ROS1: variants seen among roughly 807,000 people sequenced by gnomAD.
ROS1 encodes the protein ROS proto-oncogene 1, receptor tyrosine kinase, also known as proto-oncogene tyrosine-protein kinase ROS.
ROS1 carries 263 observed loss-of-function variants against 273.5 expected under a neutral mutation model. That is an observed-to-expected ratio of 0.96 (90% CI 0.87 to 1.06). The LOEUF is 1.06. Among genes scored for constraint, ROS1 ranks in the 50% least tolerant of loss-of-function variants. The probability of loss-of-function intolerance (pLI) is 0.00; values close to 1 mark genes in which losing one functional copy is unlikely to be tolerated. For missense variants in ROS1, 2,833 were observed against 2,751.1 expected (o/e 1.03, Z -0.67); for synonymous variants, 1,008 against 954.1 (o/e 1.06, Z -1.04).
intron 35 of ROS1, among the ~76,000 whole-genome samples, chr6:117,321,877 T>A (rs2128565941): frequency 6.6e-6 from 1 of 151,028 alleles, no homozygotes. Context: ...TTATCATTGT[T>A]GTTCATATAC....
At chr6:117,365,007 GA>G in intron 21 of ROS1, 52 bp downstream of exon 21, 1 of 1,554,822 alleles carries the variant, frequency 6.4e-7, no homozygotes, top group Non-Finnish European at 8.8e-7. Flanking sequence ...TCCAGATCAT[GA>G]AAAGTGAGAT....
chr6:117,326,099 A>ATATG (rs1776621052), intron 34 of ROS1, 125 bp downstream of exon 34: 1 of 127,762 alleles, frequency 7.8e-6, no homozygotes, highest in African/African-American at 3.3e-5. Flanking sequence ...GATTATATAT[A>ATATG]TATATATATA....
At chr6:117,328,853 C>T (rs779383372) in intron 33 of ROS1, 1 of 612,916 alleles carries the variant, frequency 1.6e-6, no homozygotes, top group Middle Eastern at 2.8e-4. Flanking sequence ...CCAATGAATA[C>T]AGAATCCTGT....
intron 31 of ROS1, among the ~76,000 whole-genome samples, chr6:117,339,475 TC>T (rs1356174499): frequency 6.6e-6 from 1 of 152,150 alleles, no homozygotes; most frequent in East Asian, 1.9e-4. Context: ...TATTGCCCAC[TC>T]CTCAGAGTTT....
At chr6:117,364,636 ATCT>A (rs1222509933) in intron 21 of ROS1, among the ~76,000 whole-genome samples, 2 of 152,220 alleles carry the variant, frequency 1.3e-5, no homozygotes, top group Non-Finnish European at 2.9e-5. Flanking sequence ...TATGGCTAGT[ATCT>A]TTTTTAAAAT....
chr6:117,366,052 G>A (rs1413750955), intron 19 of ROS1, 24 bp downstream of exon 19: 10 of 1,545,224 alleles, frequency 6.5e-6, no homozygotes, highest in South Asian at 1.1e-5. Context: ...GTGGAGTAGG[G>A]TAAGCAGGAA....
chr6:117,288,637 C>G lies in ROS1; in HGVS notation c.6881G>C (p.Cys2294Ser), dbSNP rs1162487585. ...TTCCTTCTCTTCTTTCCTCAGACCACAAGATTCAGATTCCTGGGAGCCTAG... is the reference window on the plus strand; with the variant it reads ...TTCCTTCTCTTCTTTCCTCAGACCAGAAGATTCAGATTCCTGGGAGCCTAG... ...GPLGSQESES[C>S]GLRKEEKEPH... Residue 2294 changes from cysteine (C) to serine (S), a missense_variant, in exon 44 of 44, where the codon TGT becomes TCT. Cys to Ser is a moderately radical substitution (Grantham distance 112). Coordinates refer to ENST00000368507, the MANE Select transcript of ROS1 (RefSeq NM_001378902.1). 1 of 1,614,142 alleles carries G rather than the reference C, an allele frequency of 6.2e-7. No homozygotes were observed. Among genetic ancestry groups the G allele is most frequent in the Non-Finnish European group, 8.5e-7 (1 of 1,180,014 alleles).
intron 32 of ROS1, among the ~76,000 whole-genome samples, chr6:117,332,582 C>T (rs1385323020): frequency 2.6e-5 from 4 of 152,074 alleles, no homozygotes; most frequent in Admixed American, 2.6e-4. Context: ...TAAAATCTAC[C>T]ACATAATTGG....
intron 25 of ROS1, 45 bp from the exon 26 acceptor site, chr6:117,356,960 A>C: frequency 6.8e-7 from 1 of 1,467,252 alleles, no homozygotes; most frequent in Non-Finnish European, 9.4e-7. Context: ...AGTAAAATAC[A>C]TCATTTCAAA....
intron 17 of ROS1, among the ~76,000 whole-genome samples, chr6:117,381,359 T>C (rs1163359424): frequency 6.6e-6 from 1 of 151,944 alleles, no homozygotes; most frequent in Non-Finnish European, 1.5e-5. Flanking sequence ...GTACCCAATA[T>C]GTAGGGTTTT....
intron 27 of ROS1, among the ~76,000 whole-genome samples, chr6:117,347,068 A>G (rs1778438135): frequency 1.3e-5 from 2 of 152,078 alleles, no homozygotes; most frequent in Admixed American, 1.3e-4. Context: ...TCTCCATATA[A>G]ACTTTAGAAT....
chr6:117,373,834 C>T (rs1781089888), intron 18 of ROS1, among the ~76,000 whole-genome samples: 1 of 152,214 alleles, frequency 6.6e-6, no homozygotes, highest in Non-Finnish European at 1.5e-5. Flanking sequence ...CACGTTGTCA[C>T]CTCTCAGCAC....
intron 11 of ROS1, 97 bp downstream of exon 11, chr6:117,394,065 T>C: frequency 4.2e-6 from 3 of 713,300 alleles, no homozygotes; most frequent in Admixed American, 3.5e-5. Flanking sequence ...CTTGAGTATG[T>C]ATTGAATAAG....
At chr6:117,417,437 C>T (rs1775420562) in intron 2 of ROS1, among the ~76,000 whole-genome samples, 2 of 152,106 alleles carry the variant, frequency 1.3e-5, no homozygotes, top group Admixed American at 6.6e-5. Flanking sequence ...TTCTGTTTTG[C>T]CATTTACCAC....
chr6:117,374,938 T>A (rs992554263), intron 18 of ROS1, among the ~76,000 whole-genome samples: 1 of 152,158 alleles, frequency 6.6e-6, no homozygotes, highest in African/African-American at 2.4e-5. Context: ...GATCCAGCAG[T>A]CCCACTATTG....
chr6:117,423,407 T>C (rs1775902685), intron 1 of ROS1, among the ~76,000 whole-genome samples: 1 of 152,194 alleles, frequency 6.6e-6, no homozygotes, highest in African/African-American at 2.4e-5. Context: ...AAAGAGGGCA[T>C]AGCAAAATAC....
intron 32 of ROS1, among the ~76,000 whole-genome samples, chr6:117,333,708 C>T (rs900542051): frequency 3.9e-5 from 6 of 152,136 alleles, no homozygotes; most frequent in Non-Finnish European, 8.8e-5. Flanking sequence ...AAATGTAATC[C>T]ATCACATAAA....
rs1346089547 is a variant in ROS1 at position 117,416,292 on chromosome 6, T to C, written c.194A>G (p.Asn65Ser). The change falls in exon 3 of 44, where the codon AAC becomes AGC. Residue 65 changes from asparagine (N) to serine (S), a missense_variant. Transcript: ENST00000368507. ...EPCIQGCHFW[N>S]SVDQKNCALK... Reference sequence around the variant, plus strand: ...AGCACAGTTTTTCTGATCTACAGAGTTCCAAAAGTGACATCCTTGGATACA... The same window carrying C: ...AGCACAGTTTTTCTGATCTACAGAGCTCCAAAAGTGACATCCTTGGATACA... 6.2e-7 allele frequency: 1 copy of C among 1,602,522 alleles called. No homozygotes were observed. The highest frequency in any genetic ancestry group is 1.1e-5 in the South Asian group (1 of 90,826).
intron 7 of ROS1, among the ~76,000 whole-genome samples, chr6:117,400,657 T>C (rs181226042): frequency 9.8e-5 from 15 of 152,350 alleles, no homozygotes; most frequent in African/African-American, 3.6e-4. Context: ...CTTTTATCAC[T>C]TGGCTTTGAG....
Sources: allele counts gnomAD v4.1 joint callset (sites outside exome capture counted in the v4.1 genomes callset), GRCh38; gene constraint gnomAD v4.1.1; transcripts MANE v1.5; gene names NCBI Gene and HGNC (gene_info 2026-07-23, HGNC 2026-07-21).